Variants in CTNND2 observed in about 807,000 individuals in gnomAD.
The protein encoded by CTNND2 is catenin delta 2, also known as catenin delta-2.
A neutral mutation model predicts 144.4 loss-of-function variants in CTNND2; 22 were observed. The ratio of observed to expected loss-of-function variants is 0.15; its 90% CI spans 0.11 to 0.22. The LOEUF (loss-of-function observed/expected upper bound fraction) is 0.22. Among genes scored for constraint, CTNND2 ranks in the 10% least tolerant of loss-of-function variants. The pLI, the probability that CTNND2 is intolerant of heterozygous loss-of-function variation, is 1.00. For synonymous variants in CTNND2, 751 were observed against 695.6 expected (o/e 1.08, Z -1.25); for missense variants, 1,353 against 1,618.8 (o/e 0.84, Z 2.82).
At chr5:11,075,376 G>T (rs916334844) in intron 16 of CTNND2, among the ~76,000 whole-genome samples, 71 of 152,214 alleles carry the variant, frequency 4.7e-4, no homozygotes, top group African/African-American at 1.7e-3. Flanking sequence ...AGGAACATAT[G>T]GGGGCGTCAG....
At chr5:11,320,507 A>C (rs1241720920) in intron 9 of CTNND2, among the ~76,000 whole-genome samples, 2 of 152,350 alleles carry the variant, frequency 1.3e-5, no homozygotes, top group East Asian at 3.9e-4. Flanking sequence ...GCTGCTGATA[A>C]AGACATACCC....
intron 7 of CTNND2, among the ~76,000 whole-genome samples, chr5:11,382,766 T>C (rs1026544057): frequency 3.3e-5 from 5 of 152,046 alleles, no homozygotes; most frequent in African/African-American, 1.2e-4. Context: ...TCTCTTGACC[T>C]AACTGCTCTT....
intron 17 of CTNND2, among the ~76,000 whole-genome samples, chr5:11,020,848 G>A (rs771910884): frequency 4.6e-5 from 7 of 150,818 alleles, no homozygotes; most frequent in Middle Eastern, 6.9e-3. Context: ...TATTAAACTC[G>A]TAAATCCAGG....
At chr5:11,286,493 T>C (rs1328716738) in intron 9 of CTNND2, among the ~76,000 whole-genome samples, 1 of 152,208 alleles carries the variant, frequency 6.6e-6, no homozygotes, top group South Asian at 2.1e-4. Flanking sequence ...GAATAGCCGA[T>C]ATGGGACCTG....
chr5:11,128,176 G>A (rs934785776), intron 12 of CTNND2, among the ~76,000 whole-genome samples: 3 of 152,136 alleles, frequency 2.0e-5, no homozygotes, highest in African/African-American at 7.2e-5. Flanking sequence ...GGATGGCAGA[G>A]ATCCCAAGAG....
At chr5:11,075,044 AAAT>A (rs1748786121) in intron 16 of CTNND2, among the ~76,000 whole-genome samples, 2 of 152,250 alleles carry the variant, frequency 1.3e-5, no homozygotes, top group South Asian at 4.2e-4. Context: ...ACTACTTAAA[AAAT>A]AATAAACTCC....
In CTNND2 at chr5:11,592,592, C is replaced by T. The variant is rs1779308991; in HGVS notation, c.175-27536G>A. Among the ~76,000 whole-genome samples the T allele has an allele frequency of 2.0e-5, 3 of 150,948 alleles. No individual in the cohort carries two copies. The South Asian group carries it at 6.3e-4, about 32-fold the overall frequency. ...AAGATGCAAAAATGTTTACTCTTGA[C>T]AAAGTTCAACAGTATTCTTAAGTAA... On this transcript the variant is annotated intron_variant, in intron 2 of 21. Coordinates refer to ENST00000304623, the MANE Select transcript of CTNND2 (RefSeq NM_001332.4).
intron 9 of CTNND2, among the ~76,000 whole-genome samples, chr5:11,265,501 C>T (rs1745344638): frequency 6.6e-6 from 1 of 152,094 alleles, no homozygotes; most frequent in South Asian, 2.1e-4. Flanking sequence ...GCAGACGGGC[C>T]TTTTACTTGC....
chr5:11,850,524 T>C (rs1794963086), intron 1 of CTNND2, among the ~76,000 whole-genome samples: 1 of 152,174 alleles, frequency 6.6e-6, no homozygotes, highest in African/African-American at 2.4e-5. Flanking sequence ...AATTATTAAA[T>C]TGGCAGGAGA....
intron 3 of CTNND2, among the ~76,000 whole-genome samples, chr5:11,448,915 C>A (rs1289199677): frequency 2.0e-5 from 3 of 151,670 alleles, no homozygotes; most frequent in Non-Finnish European, 4.4e-5. Context: ...GTTGTCCAGG[C>A]TCGTCTTGAA....
intron 1 of CTNND2, among the ~76,000 whole-genome samples, chr5:11,790,100 T>A (rs577100622): frequency 1.3e-5 from 2 of 152,290 alleles, no homozygotes; most frequent in South Asian, 4.1e-4. Flanking sequence ...TTGAATTTGC[T>A]CCAGTGTTTA....
intron 14 of CTNND2, among the ~76,000 whole-genome samples, chr5:11,104,597 C>T (rs1332350232): frequency 2.0e-5 from 3 of 152,120 alleles, no homozygotes; most frequent in Admixed American, 1.3e-4. Context: ...TATTCAAAAA[C>T]TCCAGTTAAC....
chr5:11,680,281 T>C (rs1431937292), intron 2 of CTNND2, among the ~76,000 whole-genome samples: 2 of 152,126 alleles, frequency 1.3e-5, no homozygotes, highest in African/African-American at 4.8e-5. Context: ...AGGAATTGGC[T>C]CTTTATCCCT....
intron 3 of CTNND2, among the ~76,000 whole-genome samples, chr5:11,415,218 T>C (rs987232217): frequency 6.6e-6 from 1 of 152,196 alleles, no homozygotes; most frequent in African/African-American, 2.4e-5. Flanking sequence ...TGTGTAAGTG[T>C]TCACTTTTCT....
rs1754791625 is a variant in CTNND2, at chr5:11,346,466, C to T, written c.1534G>A (p.Val512Ile). Residue 512 changes from valine (V) to isoleucine (I), a missense_variant, in exon 9 of 22, where the codon GTT becomes ATT. Val to Ile is a conservative substitution (Grantham distance 29). Transcript: ENST00000304623. ...CCGGATTTGCTGTATGGAGACTCAA[C>T]AGAGGGACAATACTGCAGCTGTCGG... Reference protein sequence around the residue: ...PYRQLQYCPSVESPYSKSGPA... With the variant: ...PYRQLQYCPSIESPYSKSGPA... 2 of 1,596,894 alleles carry T rather than the reference C, an allele frequency of 1.3e-6. No homozygotes were observed. Among genetic ancestry groups the T allele is most frequent in the South Asian group, 1.1e-5 (1 of 88,624 alleles).
At chr5:11,180,137 G>C (rs141345052) in intron 11 of CTNND2, among the ~76,000 whole-genome samples, 21 of 152,120 alleles carry the variant, frequency 1.4e-4, no homozygotes, top group African/African-American at 4.8e-4. Context: ...TGCATCATGG[G>C]GGGTGGTTTC....
chr5:11,326,615 T>A (rs976912672), intron 9 of CTNND2, among the ~76,000 whole-genome samples: 1 of 152,126 alleles, frequency 6.6e-6, no homozygotes, highest in African/African-American at 2.4e-5. Context: ...TTCTCTCTTC[T>A]CCCTCACGAG....
intron 2 of CTNND2, among the ~76,000 whole-genome samples, chr5:11,631,562 G>A (rs1781415608): frequency 6.6e-6 from 1 of 152,160 alleles, no homozygotes; most frequent in African/African-American, 2.4e-5. Flanking sequence ...AGAAGACAGG[G>A]CTCACTCGCT....
intron 12 of CTNND2, among the ~76,000 whole-genome samples, chr5:11,135,761 T>A (rs1324515556): frequency 6.6e-6 from 1 of 152,200 alleles, no homozygotes; most frequent in African/African-American, 2.4e-5. Flanking sequence ...AAAGATAGTG[T>A]GCCCATGACT....
Sources: gnomAD v4.1 joint callset for allele counts (sites outside exome capture counted in the v4.1 genomes callset) on GRCh38, gnomAD v4.1.1 for gene constraint, MANE v1.5 for transcripts, NCBI Gene and HGNC (gene_info 2026-07-23, HGNC 2026-07-21) for gene names.